PABPC4: variants seen among roughly 807,000 people sequenced by gnomAD.
The protein encoded by PABPC4 is poly(A) binding protein cytoplasmic 4.
A neutral mutation model predicts 74.5 loss-of-function variants in PABPC4; 15 were observed. The ratio of observed to expected loss-of-function variants is 0.20; its 90% confidence interval spans 0.13 to 0.31. The LOEUF (loss-of-function observed/expected upper bound fraction) is 0.31. PABPC4 is among the 10% of genes least tolerant of loss of function. PABPC4 has a pLI of 1.00. For synonymous variants in PABPC4, 345 were observed against 303.0 expected, an observed-to-expected ratio of 1.14 and a Z score of -1.44; for missense variants, 610 against 853.5, an observed-to-expected ratio of 0.71 and a Z score of 3.55.
chr1:39,568,635 T>TCA (rs1427014393), intron 6 of PABPC4, 167 bp downstream of exon 6: 1 of 551,518 alleles, frequency 1.8e-6, no homozygotes, highest in Admixed American at 3.3e-5. Flanking sequence ...TCTATAATAA[T>TCA]CAGTCATATG....
At chr1:39,572,323 CTGTT>C (rs1645953772) in intron 2 of PABPC4, 66 bp downstream of exon 2, 3 of 1,166,348 alleles carry the variant, frequency 2.6e-6, no homozygotes, top group Non-Finnish European at 3.7e-6. Context: ...AGATAGTTCT[CTGTT>C]TGGTATTTAT....
intron 7 of PABPC4, among the ~76,000 whole-genome samples, chr1:39,565,753 G>A (rs1451378223): frequency 4.6e-5 from 7 of 152,012 alleles, no homozygotes; most frequent in Non-Finnish European, 7.4e-5. Flanking sequence ...GCTTCAACCC[G>A]GGAGACAGAG....
Position 39,569,526 on chromosome 1 carries a change from T to C in PABPC4, c.738+69A>G, listed in dbSNP as rs1027119574. On this transcript the variant is annotated intron_variant, in intron 5 of 15. Coordinates refer to ENST00000372858, the MANE Select transcript of PABPC4 (RefSeq NM_001135653.2). ...GACCGTCCCAGCTCTAGGTAGGTGCTAGCAAGACCCTACCCATACTCTGGG... is the reference window on the plus strand; with the variant it reads ...GACCGTCCCAGCTCTAGGTAGGTGCCAGCAAGACCCTACCCATACTCTGGG... 1.6e-5 allele frequency: 18 copies of C among 1,098,146 alleles called. No homozygotes were observed. The East Asian group carries it at 3.3e-4, about 20-fold the overall frequency. 68.0% of individuals were successfully genotyped at this position (1,098,146 alleles called of 1,614,324 possible).
In PABPC4 at chr1:39,575,372, T is replaced by A. The variant is rs72929551; in HGVS notation, c.193+387A>T. On this transcript the variant is annotated intron_variant, in intron 1 of 15. Transcript: ENST00000372858. ...AATGTAAAACTTTCGCGGGGAATTGTGTTTCAAACGTCCCGCCTTTTTGGC... is the reference window on the plus strand; with the variant it reads ...AATGTAAAACTTTCGCGGGGAATTGAGTTTCAAACGTCCCGCCTTTTTGGC... Among the ~76,000 whole-genome samples the A allele has an allele frequency of 7.1e-3, 1,074 of 152,250 alleles. 14 individuals are homozygous for A. The highest frequency in any genetic ancestry group is 0.025 in the African/African-American group (1,028 of 41,518).
At chr1:39,575,187 C>A (rs943729446) in intron 1 of PABPC4, among the ~76,000 whole-genome samples, 1 of 152,140 alleles carries the variant, frequency 6.6e-6, no homozygotes, top group African/African-American at 2.4e-5. Flanking sequence ...AAGGAGGTGG[C>A]CTGGCACACG....
In PABPC4 at chr1:39,575,862, C is replaced by T. The variant is rs745705847; in HGVS notation, c.90G>A (p.Lys30=). 2 of 1,612,700 alleles carry T rather than the reference C, an allele frequency of 1.2e-6. No individual in the cohort carries two copies. The highest frequency in any genetic ancestry group is 2.2e-5 in the South Asian group (2 of 91,028). ...SDVTEAMLYE[K]FSPAGPVLSI... ...ACAGCACAGGCCCCGCGGGGCTGAA[C>T]TTTTCGTACAGCATGGCCTCGGTGA... The change falls in exon 1 of 16, where the codon AAG becomes AAA. Residue 30 remains lysine, a synonymous_variant. Coordinates refer to ENST00000372858, the MANE Select transcript of PABPC4 (RefSeq NM_001135653.2).
chr1:39,565,523 G>A, intron 7 of PABPC4, 145 bp from the exon 8 acceptor site: 8 of 777,744 alleles, frequency 1.0e-5, no homozygotes, highest in Middle Eastern at 6.4e-4. Flanking sequence ...GCAATGTAGT[G>A]AGACCTCATC....
intron 7 of PABPC4, 23 bp from the exon 8 acceptor site, chr1:39,565,401 T>A: frequency 6.3e-7 from 1 of 1,596,292 alleles, no homozygotes. Context: ...ACCAGCTACT[T>A]AAGAAATAAG....
intron 1 of PABPC4, among the ~76,000 whole-genome samples, chr1:39,574,384 A>C (rs905388909): frequency 3.3e-5 from 5 of 152,260 alleles, no homozygotes; most frequent in African/African-American, 1.2e-4. Context: ...AAGCCGGCTT[A>C]GTCTGACAAA....
At chr1:39,569,773 A>C (rs1270038268) in intron 4 of PABPC4, 84 bp from the exon 5 acceptor site, 2 of 1,589,476 alleles carry the variant, frequency 1.3e-6, no homozygotes, top group Admixed American at 3.4e-5. Context: ...AACTCACTTG[A>C]AGCAAATCTC....
chr1:39,565,987 G>A (rs1645833923), intron 7 of PABPC4, among the ~76,000 whole-genome samples: 1 of 152,204 alleles, frequency 6.6e-6, no homozygotes, highest in African/African-American at 2.4e-5. Flanking sequence ...TTCTGCTGCA[G>A]TCACTGAGTC....
chr1:39,570,152 C>A, intron 3 of PABPC4, 150 bp from the exon 4 acceptor site: 1 of 747,002 alleles, frequency 1.3e-6, no homozygotes. Context: ...TACCCCAAGT[C>A]CCCAGCAGAA....
Position 39,572,376 on chromosome 1 carries a change from A to T in PABPC4, c.387+17T>A. On this transcript the variant is annotated intron_variant, in intron 2 of 15. Transcript: ENST00000372858. Reference sequence around the variant, plus strand: ...ATCAATTAATTATTCTGCTAAAATCATTTAATCAATGTTTACCTTGCAGGA... The same window carrying T: ...ATCAATTAATTATTCTGCTAAAATCTTTTAATCAATGTTTACCTTGCAGGA... 1 of 1,549,808 alleles carries T rather than the reference A, an allele frequency of 6.5e-7. No individual in the cohort carries two copies. Among genetic ancestry groups the T allele is most frequent in the Non-Finnish European group, 8.9e-7 (1 of 1,124,742 alleles).
At chr1:39,571,820 C>CTAT (rs1645945610) in intron 2 of PABPC4, 1 of 332,258 alleles carries the variant, frequency 3.0e-6, no homozygotes, top group Non-Finnish European at 5.9e-6. Flanking sequence ...CTACAATGAG[C>CTAT]TATTACTAGA....
chr1:39,565,214 G>A lies in PABPC4; in HGVS notation c.1137C>T (p.Thr379=). 8.1e-6 allele frequency: 13 copies of A among 1,614,196 alleles called. 1 individual carries two copies. In the Middle Eastern group the frequency reaches 2.1e-3, roughly 266 times the overall value. ...CAGCCACTCGTTGCATATACTGGTT[G>A]GTCAGGTGAGCCTTTCTCTCTTCCT... ...QRKEERKAHL[T]NQYMQRVAGM... The change falls in exon 8 of 16, where the codon ACC becomes ACT. Residue 379 remains threonine (T), a synonymous_variant. Coordinates refer to ENST00000372858, the MANE Select transcript of PABPC4 (RefSeq NM_001135653.2).
At chr1:39,568,598 T>C in intron 6 of PABPC4, 1 of 471,794 alleles carries the variant, frequency 2.1e-6, no homozygotes, top group East Asian at 3.5e-5. Flanking sequence ...AGCTTCTTGA[T>C]GAATAAACCC....
At chr1:39,574,273 A>AG (rs1163197184) in intron 1 of PABPC4, among the ~76,000 whole-genome samples, 1 of 150,316 alleles carries the variant, frequency 6.7e-6, no homozygotes, top group Non-Finnish European at 1.5e-5. Flanking sequence ...TGGCTATCAG[A>AG]GATAGATAGC....
chr1:39,571,964 T>G (rs907462240), intron 2 of PABPC4, among the ~76,000 whole-genome samples: 4 of 152,182 alleles, frequency 2.6e-5, no homozygotes, highest in African/African-American at 9.7e-5. Flanking sequence ...CACAACAGAT[T>G]TTCAGTGTAG....
At chr1:39,563,470 AG>A in intron 12 of PABPC4, 143 bp downstream of exon 12, 1 of 1,060,382 alleles carries the variant, frequency 9.4e-7, no homozygotes. Context: ...GAGCCCCTGA[AG>A]GGCAGGGACA....
Sources: gnomAD v4.1 joint callset for allele counts (sites outside exome capture counted in the v4.1 genomes callset) on GRCh38, gnomAD v4.1.1 for gene constraint, MANE v1.5 for transcripts, NCBI Gene and HGNC (gene_info 2026-07-23, HGNC 2026-07-21) for gene names.